Variants in SORCS3 observed in about 807,000 individuals in gnomAD.
SORCS3 encodes sortilin related VPS10 domain containing receptor 3, also known as VPS10 domain-containing receptor SorCS3.
A neutral mutation model predicts 146.3 loss-of-function variants in SORCS3; 57 were observed. That is an observed-to-expected ratio of 0.39 (90% CI 0.31 to 0.49). SORCS3 has a LOEUF of 0.49. SORCS3 is among the 20% of genes least tolerant of loss of function. SORCS3 has a pLI of 0.92. For synonymous variants in SORCS3, 653 were observed against 618.5 expected (o/e 1.06, Z -0.83); for missense variants, 1,341 against 1,575.5 (o/e 0.85, Z 2.52).
intron 1 of SORCS3, among the ~76,000 whole-genome samples, chr10:104,662,782 G>A (rs1042172507): frequency 6.6e-6 from 1 of 152,218 alleles, no homozygotes; most frequent in African/African-American, 2.4e-5. Flanking sequence ...TTCGGAACTA[G>A]GAGAGTCAGG....
At chr10:104,712,266 A>G (rs971069248) in intron 1 of SORCS3, among the ~76,000 whole-genome samples, 16 of 152,150 alleles carry the variant, frequency 1.1e-4, no homozygotes, top group Non-Finnish European at 2.2e-4. Context: ...GCCTGTTGCC[A>G]CACAGCTACT....
intron 3 of SORCS3, among the ~76,000 whole-genome samples, chr10:104,958,024 A>G (rs1321254957): frequency 6.6e-6 from 1 of 152,144 alleles, no homozygotes; most frequent in African/African-American, 2.4e-5. Flanking sequence ...GGATGAGAGA[A>G]CACCCACGGA....
chr10:105,155,232 C>T (rs565895746), intron 9 of SORCS3, among the ~76,000 whole-genome samples: 1 of 152,266 alleles, frequency 6.6e-6, no homozygotes, highest in South Asian at 2.1e-4. Context: ...ACCTGCTCAC[C>T]TGGAAGATCA....
chr10:104,799,714 T>C (rs763458407), intron 1 of SORCS3, among the ~76,000 whole-genome samples: 20 of 152,184 alleles, frequency 1.3e-4, no homozygotes, highest in Non-Finnish European at 2.4e-4. Context: ...CTCGCTCTGT[T>C]GCCCAGGCTG....
chr10:104,975,130 G>T (rs1238455317), intron 3 of SORCS3, among the ~76,000 whole-genome samples: 1 of 152,218 alleles, frequency 6.6e-6, no homozygotes, highest in Non-Finnish European at 1.5e-5. Context: ...GTCCTTGTTT[G>T]CAGATGACAT....
At chr10:105,162,519 T>C (rs1313182240) in intron 11 of SORCS3, among the ~76,000 whole-genome samples, 1 of 152,194 alleles carries the variant, frequency 6.6e-6, no homozygotes, top group Non-Finnish European at 1.5e-5. Flanking sequence ...GGACTGTACA[T>C]GTTCAAAGAT....
intron 1 of SORCS3, among the ~76,000 whole-genome samples, chr10:104,695,273 G>A (rs2016160793): frequency 6.6e-6 from 1 of 152,046 alleles, no homozygotes; most frequent in Non-Finnish European, 1.5e-5. Context: ...GAGAAGAAGT[G>A]TTGTAAATCC....
intron 4 of SORCS3, among the ~76,000 whole-genome samples, chr10:105,014,242 G>A (rs1278806394): frequency 1.3e-5 from 2 of 151,502 alleles, no homozygotes; most frequent in Non-Finnish European, 2.9e-5. Flanking sequence ...AATTTGGATT[G>A]GAACCTGTTA....
At chr10:105,229,946 C>A (rs1477857328) in intron 20 of SORCS3, among the ~76,000 whole-genome samples, 1 of 152,052 alleles carries the variant, frequency 6.6e-6, no homozygotes, top group African/African-American at 2.4e-5. Flanking sequence ...GCAGGATAAC[C>A]CTCTGTGTCT....
intron 9 of SORCS3, among the ~76,000 whole-genome samples, chr10:105,152,771 T>C (rs909895630): frequency 6.6e-5 from 10 of 152,214 alleles, no homozygotes; most frequent in Middle Eastern, 3.2e-3. Context: ...ACAACTTATA[T>C]ATTTTTTTCT....
At chr10:105,074,206 A>G (rs2055574845) in intron 5 of SORCS3, among the ~76,000 whole-genome samples, 1 of 152,196 alleles carries the variant, frequency 6.6e-6, no homozygotes, top group Non-Finnish European at 1.5e-5. Context: ...TGCACGGTGC[A>G]TCACCAGATG....
chr10:105,146,023 C>A (rs1250293573), intron 8 of SORCS3, among the ~76,000 whole-genome samples: 1 of 152,088 alleles, frequency 6.6e-6, no homozygotes, highest in East Asian at 1.9e-4. Flanking sequence ...AAAGGCTAGA[C>A]CCTGCCTGAT....
At chr10:105,121,010 C>G (rs1378439660) in intron 7 of SORCS3, among the ~76,000 whole-genome samples, 1 of 152,120 alleles carries the variant, frequency 6.6e-6, no homozygotes, top group African/African-American at 2.4e-5. Flanking sequence ...ATGGAGGGAG[C>G]CAGCCTGTGA....
chr10:105,207,624 G>A (rs993674375), intron 16 of SORCS3, among the ~76,000 whole-genome samples: 10 of 152,268 alleles, frequency 6.6e-5, no homozygotes, highest in African/African-American at 1.9e-4. Context: ...TGCAGACTTC[G>A]GAGCTGGGAA....
At chr10:105,025,932 C>G (rs1262885782) in intron 4 of SORCS3, among the ~76,000 whole-genome samples, 4 of 150,944 alleles carry the variant, frequency 2.6e-5, no homozygotes, top group Non-Finnish European at 5.9e-5. Flanking sequence ...CAACTCATTA[C>G]TTTCCTAAAT....
rs532369330 is a variant in SORCS3 at position 104,697,970 on chromosome 10, T to A, written c.627+56016T>A. Among the ~76,000 whole-genome samples, 5 of 152,302 alleles carry A rather than the reference T, an allele frequency of 3.3e-5. No homozygotes were observed. The South Asian group carries it at 1.0e-3, about 32-fold the overall frequency. ...AGGAATCCAAGCAAGCCCAGCACCA[T>A]GGATGCTGCCTGCACCTGTTGTGCT... On this transcript the variant is annotated intron_variant, in intron 1 of 26. Coordinates refer to ENST00000369701, the MANE Select transcript of SORCS3 (RefSeq NM_014978.3).
intron 14 of SORCS3, among the ~76,000 whole-genome samples, chr10:105,181,646 T>G (rs1049289450): frequency 2.0e-5 from 3 of 152,230 alleles, no homozygotes; most frequent in Non-Finnish European, 4.4e-5. Flanking sequence ...TTTTTACTAC[T>G]GTCTTTTCAG....
At chr10:104,849,629 T>G (rs570512676) in intron 2 of SORCS3, among the ~76,000 whole-genome samples, 2 of 152,300 alleles carry the variant, frequency 1.3e-5, no homozygotes, top group African/African-American at 2.4e-5. Context: ...AGTTTACTTT[T>G]CCATAAAAAT....
chr10:105,149,905 G>A (rs1171292998), intron 9 of SORCS3, among the ~76,000 whole-genome samples: 2 of 152,098 alleles, frequency 1.3e-5, no homozygotes, highest in Non-Finnish European at 2.9e-5. Context: ...CACTTAAGTT[G>A]GTCTTGTGTT....
Sources: gnomAD v4.1 joint callset for allele counts (sites outside exome capture counted in the v4.1 genomes callset) on GRCh38, gnomAD v4.1.1 for gene constraint, MANE v1.5 for transcripts, NCBI Gene and HGNC (gene_info 2026-07-23, HGNC 2026-07-21) for gene names.